NDUFAF2: variants seen among roughly 807,000 people sequenced by gnomAD.
NDUFAF2 encodes the protein NADH:ubiquinone oxidoreductase complex assembly factor 2.
A neutral mutation model predicts 22.8 loss-of-function variants in NDUFAF2; 13 were observed. The observed-to-expected ratio is 0.57, with a 90% CI of 0.37 to 0.91. The LOEUF (loss-of-function observed/expected upper bound fraction) is 0.91. Ranked by LOEUF, NDUFAF2 falls within the 40% of genes least tolerant of loss-of-function variation. The probability of loss-of-function intolerance (pLI) is 0.01; values close to 1 mark genes in which losing one functional copy is unlikely to be tolerated. For synonymous variants in NDUFAF2, 53 were observed against 64.2 expected (o/e 0.83, Z 0.84); for missense variants, 162 against 195.2 (o/e 0.83, Z 1.01).
At chr5:61,023,298 T>C (rs1042737686) in intron 1 of NDUFAF2, among the ~76,000 whole-genome samples, 2 of 152,130 alleles carry the variant, frequency 1.3e-5, no homozygotes, top group South Asian at 4.1e-4. Flanking sequence ...AGTGTTGTCA[T>C]TGTGGCTTTT....
chr5:61,091,589 A>G (rs1028223164), intron 2 of NDUFAF2, among the ~76,000 whole-genome samples: 4 of 152,186 alleles, frequency 2.6e-5, no homozygotes, highest in African/African-American at 9.6e-5. Context: ...TCAGATGCAT[A>G]GTTGGTAAAA....
At chr5:60,992,321 A>G (rs1013875854) in intron 1 of NDUFAF2, among the ~76,000 whole-genome samples, 2 of 152,012 alleles carry the variant, frequency 1.3e-5, no homozygotes, top group South Asian at 4.1e-4. Context: ...CCATTTGTCC[A>G]TTTTTGCTTT....
At chr5:61,096,963 A>G (rs1752652079) in intron 2 of NDUFAF2, among the ~76,000 whole-genome samples, 1 of 152,072 alleles carries the variant, frequency 6.6e-6, no homozygotes, top group Admixed American at 6.6e-5. Flanking sequence ...GACTGTCTCA[A>G]AAAAAAAGAA....
Position 61,146,655 on chromosome 5 carries a change from G to T in NDUFAF2, c.259-6049G>T, listed in dbSNP as rs564484871. Among the ~76,000 whole-genome samples, 10 of 152,138 alleles carry T rather than the reference G, an allele frequency of 6.6e-5. No individual in the cohort carries two copies. The East Asian group carries it at 1.7e-3, about 27-fold the overall frequency. ...TTTTATCATTAGTATTTAGCAATTT[G>T]ATTTGGATGTGCCTTGGTTTTATGA... On this transcript the variant is annotated intron_variant, in intron 3 of 3. Transcript: ENST00000296597.
intron 1 of NDUFAF2, among the ~76,000 whole-genome samples, chr5:61,028,432 G>A (rs1479816914): frequency 2.0e-5 from 3 of 151,916 alleles, no homozygotes; most frequent in African/African-American, 7.2e-5. Context: ...GGTATTATTT[G>A]TCTTTTACAA....
At chr5:61,068,970 C>A (rs1191117821) in intron 1 of NDUFAF2, among the ~76,000 whole-genome samples, 1 of 151,996 alleles carries the variant, frequency 6.6e-6, no homozygotes, top group Non-Finnish European at 1.5e-5. Flanking sequence ...TTCTCTTAAG[C>A]CTCAATCTCT....
In NDUFAF2 at chr5:61,152,653, CTT is replaced by C. The variant is rs759551233; in HGVS notation, c.259-45_259-44del. ...TTTTTATTGGCTATTTTTATAAAAACTTTTTTTAACTAGAAATTTAATAATTT... is the reference window on the plus strand; with the variant it reads ...TTTTTATTGGCTATTTTTATAAAAACTTTTTAACTAGAAATTTAATAATTT... On this transcript the variant is annotated intron_variant, in intron 3 of 3. Coordinates refer to ENST00000296597, the MANE Select transcript of NDUFAF2 (RefSeq NM_174889.5). 3.8e-5 allele frequency: 51 copies of C among 1,333,914 alleles called. No individual in the cohort carries two copies. In the African/African-American group the frequency reaches 6.9e-4, roughly 18 times the overall value. The allele number at this position is 1,333,914 out of a possible 1,614,324, so 82.6% of individuals were successfully genotyped here.
rs193131973 is a variant in NDUFAF2 at position 60,951,210 on chromosome 5, A to G, written c.127+5828A>G. 2.0e-4 allele frequency among the ~76,000 whole-genome samples: 31 copies of G among 152,026 alleles called. No individual in the cohort carries two copies. In the East Asian group the frequency reaches 6.0e-3, roughly 30 times the overall value. ...ATGCCCAGCTAATTTTTGTAATTTT[A>G]GTAAGAGACAGGGTTTCGCCATATT... On this transcript the variant is annotated intron_variant, in intron 1 of 3. Coordinates refer to ENST00000296597, the MANE Select transcript of NDUFAF2 (RefSeq NM_174889.5).
In NDUFAF2 at chr5:61,059,453, A is replaced by G. The variant is rs112305460; in HGVS notation, c.128-13672A>G. Among the ~76,000 whole-genome samples, 1,334 of 152,202 alleles carry G rather than the reference A, an allele frequency of 8.8e-3. 23 individuals carry two copies. The highest frequency in any genetic ancestry group is 0.031 in the African/African-American group (1,279 of 41,580). Reference sequence around the variant, plus strand: ...AAAATTCATTAATGAAGTCCAGTTTAAACGTAATATTGGTGTGCTATAAAC... The same window carrying G: ...AAAATTCATTAATGAAGTCCAGTTTGAACGTAATATTGGTGTGCTATAAAC... On this transcript the variant is annotated intron_variant, in intron 1 of 3. Transcript: ENST00000296597.
intron 1 of NDUFAF2, among the ~76,000 whole-genome samples, chr5:60,973,453 A>G (rs1474529687): frequency 6.6e-6 from 1 of 152,186 alleles, no homozygotes. Flanking sequence ...GGAAAAAAAT[A>G]TAACACAAAG....
chr5:61,027,722 T>C (rs1244987187), intron 1 of NDUFAF2, among the ~76,000 whole-genome samples: 1 of 151,994 alleles, frequency 6.6e-6, no homozygotes, highest in Non-Finnish European at 1.5e-5. Flanking sequence ...TTCCAAAATA[T>C]ATTAGCTTAA....
chr5:60,983,190 A>G (rs1166005089), intron 1 of NDUFAF2, among the ~76,000 whole-genome samples: 2 of 149,444 alleles, frequency 1.3e-5, no homozygotes, highest in Non-Finnish European at 3.0e-5. Flanking sequence ...TGGCTGCATA[A>G]ATGTCTTCTC....
chr5:61,078,490 C>T (rs1433627833), intron 2 of NDUFAF2, among the ~76,000 whole-genome samples: 1 of 152,030 alleles, frequency 6.6e-6, no homozygotes, highest in East Asian at 1.9e-4. Flanking sequence ...CCTGTAATCC[C>T]AGCACTTTGG....
intron 1 of NDUFAF2, among the ~76,000 whole-genome samples, chr5:61,030,536 C>T (rs1751709864): frequency 6.6e-6 from 1 of 152,030 alleles, no homozygotes; most frequent in Non-Finnish European, 1.5e-5. Context: ...TTTGAGGTAT[C>T]AACTCTTTAA....
At chr5:61,051,975 A>G (rs1277198635) in intron 1 of NDUFAF2, among the ~76,000 whole-genome samples, 4 of 152,350 alleles carry the variant, frequency 2.6e-5, no homozygotes, top group African/African-American at 9.6e-5. Flanking sequence ...GGTCAATCAA[A>G]CAACTACTTA....
intron 1 of NDUFAF2, among the ~76,000 whole-genome samples, chr5:61,072,800 C>T (rs1036507751): frequency 6.6e-6 from 1 of 152,058 alleles, no homozygotes; most frequent in Non-Finnish European, 1.5e-5. Flanking sequence ...TGGGGTTTCA[C>T]CATGTTGCCC....
chr5:61,005,559 G>A (rs1751355381), intron 1 of NDUFAF2, among the ~76,000 whole-genome samples: 1 of 152,220 alleles, frequency 6.6e-6, no homozygotes. Flanking sequence ...CACCAACAGT[G>A]TAAAAGCGTT....
intron 3 of NDUFAF2, among the ~76,000 whole-genome samples, chr5:61,119,293 A>G (rs1185455490): frequency 6.6e-6 from 1 of 152,186 alleles, no homozygotes; most frequent in East Asian, 1.9e-4. Flanking sequence ...AGAGCTAACA[A>G]TTTCTTTGCA....
At chr5:61,082,900 C>T (rs895799472) in intron 2 of NDUFAF2, among the ~76,000 whole-genome samples, 1 of 152,084 alleles carries the variant, frequency 6.6e-6, no homozygotes, top group Non-Finnish European at 1.5e-5. Flanking sequence ...AATGGGATTG[C>T]TGGGTCAAGT....
Sources: allele counts gnomAD v4.1 joint callset (sites outside exome capture counted in the v4.1 genomes callset), GRCh38; gene constraint gnomAD v4.1.1; transcripts MANE v1.5; gene names NCBI Gene and HGNC (gene_info 2026-07-23, HGNC 2026-07-21).